Variants in GALNT13 observed in about 807,000 individuals in gnomAD.
The protein encoded by GALNT13 is polypeptide N-acetylgalactosaminyltransferase 13, also known as UDP-GalNAc:polypeptide N-acetylgalactosaminyltransferase 13.
Under a neutral mutation model 64.2 loss-of-function variants are expected in GALNT13, and 28 were observed. The ratio of observed to expected loss-of-function variants is 0.44; its 90% confidence interval spans 0.32 to 0.60. The LOEUF is 0.60. GALNT13 is among the 20% of genes least tolerant of loss of function. GALNT13 has a pLI of 0.05. For synonymous variants in GALNT13, 214 were observed against 224.6 expected, an observed-to-expected ratio of 0.95 and a Z score of 0.42; for missense variants, 577 against 669.8, an observed-to-expected ratio of 0.86 and a Z score of 1.53.
the GALNT13 span, among the ~76,000 whole-genome samples, chr2:153,293,793 CTG>C: frequency 8.6e-4 from 28 of 32,618 alleles, no homozygotes; most frequent in Admixed American, 2.2e-3. Flanking sequence ...GTGTGTGTGT[CTG>C]TGTGTGTGTG....
intron 1 of GALNT13, among the ~76,000 whole-genome samples, chr2:153,898,973 T>C (rs1011829666): frequency 6.6e-5 from 10 of 151,978 alleles, no homozygotes; most frequent in Admixed American, 4.6e-4. Context: ...AAGTAGGAAG[T>C]AGATGAGGGG....
chr2:154,351,029 T>C (rs1409211471), intron 9 of GALNT13, among the ~76,000 whole-genome samples: 1 of 152,092 alleles, frequency 6.6e-6, no homozygotes, highest in African/African-American at 2.4e-5. Context: ...GGCAGGGTAG[T>C]TGGGGACACA....
At chr2:153,721,570 C>G in the GALNT13 span, among the ~76,000 whole-genome samples, 2 of 149,264 alleles carry the variant, frequency 1.3e-5, no homozygotes, top group Non-Finnish European at 2.9e-5. Flanking sequence ...AAACCCATCT[C>G]ACGTGCAGAG....
At chr2:153,321,869 T>C in the GALNT13 span, among the ~76,000 whole-genome samples, 2 of 152,076 alleles carry the variant, frequency 1.3e-5, no homozygotes, top group African/African-American at 4.8e-5. Context: ...CATTTTCCAC[T>C]GCCCAGTGAG....
the GALNT13 span, among the ~76,000 whole-genome samples, chr2:153,798,713 A>G: frequency 6.6e-6 from 1 of 152,190 alleles, no homozygotes; most frequent in Non-Finnish European, 1.5e-5. Context: ...AAATTATTTT[A>G]TCTAAGTTGT....
chr2:153,737,049 T>C, the GALNT13 span, among the ~76,000 whole-genome samples: 4 of 152,234 alleles, frequency 2.6e-5, no homozygotes, highest in African/African-American at 9.6e-5. Flanking sequence ...ATCATCGGGC[T>C]GGCACACATA....
intron 3 of GALNT13, among the ~76,000 whole-genome samples, chr2:153,947,878 C>T (rs888703083): frequency 6.6e-6 from 1 of 151,994 alleles, no homozygotes; most frequent in African/African-American, 2.4e-5. Context: ...GGAAGGGGTC[C>T]AGTTTCAATT....
At chr2:153,807,788 A>G in the GALNT13 span, among the ~76,000 whole-genome samples, 3 of 151,984 alleles carry the variant, frequency 2.0e-5, no homozygotes, top group Non-Finnish European at 4.4e-5. Context: ...ATTGTCTTGT[A>G]TTTCATTTGT....
chr2:153,780,918 T>C, the GALNT13 span, among the ~76,000 whole-genome samples: 1 of 152,126 alleles, frequency 6.6e-6, no homozygotes, highest in African/African-American at 2.4e-5. Context: ...ATGGGTAAGA[T>C]GGATAATTAA....
chr2:153,801,196 G>C, the GALNT13 span, among the ~76,000 whole-genome samples: 1 of 152,176 alleles, frequency 6.6e-6, no homozygotes, highest in Non-Finnish European at 1.5e-5. Context: ...CAAAAAGGCT[G>C]TTTTGCTTTC....
At chr2:153,842,680 A>T in the GALNT13 span, among the ~76,000 whole-genome samples, 1 of 151,914 alleles carries the variant, frequency 6.6e-6, no homozygotes. Flanking sequence ...ATGCAAAAGT[A>T]AAAACTAAAG....
chr2:154,153,425 A>G (rs530702822), intron 4 of GALNT13, among the ~76,000 whole-genome samples: 65 of 152,282 alleles, frequency 4.3e-4, no homozygotes, highest in African/African-American at 1.5e-3. Flanking sequence ...TCAGATCTCT[A>G]GCTGCATGCT....
At chr2:153,350,649 C>T in the GALNT13 span, among the ~76,000 whole-genome samples, 6 of 152,014 alleles carry the variant, frequency 3.9e-5, no homozygotes, top group Non-Finnish European at 5.9e-5. Flanking sequence ...TCCCAAAGTG[C>T]TGGGATTACA....
chr2:154,429,277 G>C (rs932348963), intron 11 of GALNT13, among the ~76,000 whole-genome samples: 18 of 152,192 alleles, frequency 1.2e-4, no homozygotes, highest in African/African-American at 4.3e-4. Context: ...GCACCAAACA[G>C]CTGGAAAAAT....
At chr2:154,371,373 A>G (rs1049053870) in intron 9 of GALNT13, among the ~76,000 whole-genome samples, 5 of 152,084 alleles carry the variant, frequency 3.3e-5, no homozygotes, top group African/African-American at 4.8e-5. Context: ...CAATGTTGTG[A>G]ATCACTATTA....
At chr2:153,894,520 A>T (rs1558839258) in intron 1 of GALNT13, among the ~76,000 whole-genome samples, 1 of 152,090 alleles carries the variant, frequency 6.6e-6, no homozygotes, top group Non-Finnish European at 1.5e-5. Flanking sequence ...ATAAGAAAAT[A>T]TGCAAGGGAG....
the GALNT13 span, among the ~76,000 whole-genome samples, chr2:153,273,388 G>T: frequency 6.6e-6 from 1 of 152,178 alleles, no homozygotes; most frequent in Admixed American, 6.5e-5. Context: ...GGTATTGAGT[G>T]CTGCTTCTTC....
chr2:154,134,050 G>C (rs1327023892), intron 3 of GALNT13, among the ~76,000 whole-genome samples: 2 of 152,034 alleles, frequency 1.3e-5, no homozygotes, highest in Non-Finnish European at 2.9e-5. Flanking sequence ...CACACGGGAA[G>C]TTTTTATGAG....
chr2:154,117,635 T>C (rs1485073557), intron 3 of GALNT13, among the ~76,000 whole-genome samples: 11 of 152,278 alleles, frequency 7.2e-5, no homozygotes, highest in African/African-American at 1.9e-4. Flanking sequence ...CCATCATAAA[T>C]AGACACATTG....
Sources: gnomAD v4.1 joint callset for allele counts (sites outside exome capture counted in the v4.1 genomes callset) on GRCh38, gnomAD v4.1.1 for gene constraint, MANE v1.5 for transcripts, NCBI Gene and HGNC (gene_info 2026-07-23, HGNC 2026-07-21) for gene names.